CCDC60: variants seen among roughly 807,000 people sequenced by gnomAD.
CCDC60 encodes the protein coiled-coil domain containing 60, also known as coiled-coil domain-containing protein 60.
Under a neutral mutation model 63.5 loss-of-function variants are expected in CCDC60, and 54 were observed. That is an observed-to-expected ratio of 0.85 (90% CI 0.68 to 1.07). The LOEUF (loss-of-function observed/expected upper bound fraction) is 1.07, where lower values mean the gene tolerates loss of function less well. Ranked by LOEUF, CCDC60 falls within the 50% of genes least tolerant of loss-of-function variation. CCDC60 has a pLI of 0.00. For synonymous variants in CCDC60, 206 were observed against 238.8 expected (o/e 0.86, Z 1.27); for missense variants, 651 against 684.3 (o/e 0.95, Z 0.54).
chr12:119,473,940 G>A (rs1041963359), intron 3 of CCDC60, among the ~76,000 whole-genome samples: 2 of 152,208 alleles, frequency 1.3e-5, no homozygotes, highest in African/African-American at 4.8e-5. Context: ...GCATGTGCAA[G>A]TGTCTTTTTC....
intron 1 of CCDC60, among the ~76,000 whole-genome samples, chr12:119,413,990 G>A (rs997496692): frequency 3.3e-5 from 5 of 151,650 alleles, no homozygotes; most frequent in Non-Finnish European, 7.4e-5. Context: ...CTTCTCCCAG[G>A]CCCCCTCCTA....
intron 8 of CCDC60, 94 bp from the exon 9 acceptor site, chr12:119,520,027 C>T (rs1011004199): frequency 3.8e-6 from 4 of 1,050,838 alleles, no homozygotes; most frequent in Non-Finnish European, 5.8e-6. Flanking sequence ...GATTCTTGCT[C>T]TAGAAAGAGA....
intron 8 of CCDC60, 139 bp from the exon 9 acceptor site, chr12:119,519,982 T>A (rs1952477355): frequency 5.5e-6 from 4 of 726,418 alleles, no homozygotes; most frequent in Non-Finnish European, 9.3e-6. Context: ...CATAGCAAAC[T>A]CTCCAGGTGA....
chr12:119,343,521 T>A (rs547946331), intron 1 of CCDC60, among the ~76,000 whole-genome samples: 11 of 152,126 alleles, frequency 7.2e-5, no homozygotes, highest in African/African-American at 2.2e-4. Context: ...GCACCTACCA[T>A]GTGACAGATG....
At chr12:119,480,608 C>CCAT (rs538402013) in intron 4 of CCDC60, among the ~76,000 whole-genome samples, 1 of 149,104 alleles carries the variant, frequency 6.7e-6, no homozygotes, top group African/African-American at 2.5e-5. Flanking sequence ...ATCACCATCA[C>CCAT]CATCATCATC....
At position 119,456,301 on chromosome 12, in the gene CCDC60, G is replaced by T. The variant is rs138630628; in HGVS notation, c.171-15693G>T. Among the ~76,000 whole-genome samples, 65 of 152,320 alleles carry T rather than the reference G, an allele frequency of 4.3e-4. No homozygotes were observed. Among genetic ancestry groups the T allele is most frequent in the Admixed American group, 9.1e-4 (14 of 15,304 alleles). ...GCCAGGTGGCCAATAGGAAGGAAAAGACCTGGTGGGAAACTACCTAAAGTA... is the reference window on the plus strand; with the variant it reads ...GCCAGGTGGCCAATAGGAAGGAAAATACCTGGTGGGAAACTACCTAAAGTA... On this transcript the variant is annotated intron_variant, in intron 2 of 13. Coordinates refer to ENST00000327554, the MANE Select transcript of CCDC60 (RefSeq NM_178499.5). The surrounding 1 kb of genome is among the most constrained non-coding windows in gnomAD (Gnocchi z 4.6).
chr12:119,503,912 A>G (rs951441958), intron 6 of CCDC60, among the ~76,000 whole-genome samples: 45 of 152,208 alleles, frequency 3.0e-4, no homozygotes, highest in Non-Finnish European at 7.3e-5. Flanking sequence ...TCATCTAAAG[A>G]AAACACCAGT....
intron 8 of CCDC60, among the ~76,000 whole-genome samples, chr12:119,517,942 C>A (rs1450022054): frequency 6.6e-6 from 1 of 152,202 alleles, no homozygotes; most frequent in Non-Finnish European, 1.5e-5. Context: ...AAGCAAATTC[C>A]TTCCTGAAAA....
chr12:119,487,646 G>A (rs1363025782), intron 4 of CCDC60, among the ~76,000 whole-genome samples: 2 of 151,512 alleles, frequency 1.3e-5, no homozygotes, highest in African/African-American at 4.9e-5. Context: ...GTCACCAACA[G>A]GCTCTGTGAC....
chr12:119,433,782 G>C, intron 2 of CCDC60: 1 of 602,506 alleles, frequency 1.7e-6, no homozygotes, highest in Non-Finnish European at 2.9e-6. Context: ...ACCGTCCCTG[G>C]TTTCATGGCC....
At chr12:119,458,849 C>T (rs1035615916) in intron 2 of CCDC60, among the ~76,000 whole-genome samples, 3 of 152,068 alleles carry the variant, frequency 2.0e-5, no homozygotes, top group Admixed American at 6.6e-5. Flanking sequence ...TGGGTTCAAG[C>T]GATTCTCTTG....
chr12:119,418,944 C>T (rs989702698), intron 1 of CCDC60, among the ~76,000 whole-genome samples: 7 of 152,216 alleles, frequency 4.6e-5, no homozygotes, highest in African/African-American at 7.2e-5. Flanking sequence ...TGCCAGCAGG[C>T]GGCACAGGTA....
chr12:119,431,869 C>T (rs113576776), intron 2 of CCDC60, among the ~76,000 whole-genome samples: 26 of 152,200 alleles, frequency 1.7e-4, no homozygotes, highest in African/African-American at 6.3e-4. Flanking sequence ...TTAGTAGAGA[C>T]GGAGTTTCAC....
chr12:119,472,440 T>C (rs969594657), intron 3 of CCDC60, among the ~76,000 whole-genome samples: 4 of 152,082 alleles, frequency 2.6e-5, no homozygotes, highest in African/African-American at 9.7e-5. Context: ...CCTGCACCCA[T>C]TTGCACTCCA....
chr12:119,496,908 G>A (rs1029938466), intron 5 of CCDC60, among the ~76,000 whole-genome samples: 2 of 152,128 alleles, frequency 1.3e-5, no homozygotes, highest in African/African-American at 2.4e-5. Flanking sequence ...TTAAATGGGT[G>A]AGCTAAGTAA....
intron 5 of CCDC60, among the ~76,000 whole-genome samples, chr12:119,492,318 T>C (rs1951609119): frequency 6.6e-6 from 1 of 152,108 alleles, no homozygotes; most frequent in Non-Finnish European, 1.5e-5. Flanking sequence ...CGTGGCTGAT[T>C]TCAATCTTAC....
intron 1 of CCDC60, among the ~76,000 whole-genome samples, chr12:119,374,918 G>A (rs548251481): frequency 1.3e-5 from 2 of 152,284 alleles, no homozygotes; most frequent in African/African-American, 4.8e-5. Flanking sequence ...ATTATGAGCA[G>A]TGAGGACGAC....
At chr12:119,349,765 T>C (rs187899073) in intron 1 of CCDC60, among the ~76,000 whole-genome samples, 60 of 152,348 alleles carry the variant, frequency 3.9e-4, no homozygotes, top group African/African-American at 1.3e-3. Flanking sequence ...CCATCCCGTC[T>C]TTTGTAATGT....
chr12:119,394,358 T>C (rs1956212922), intron 1 of CCDC60, among the ~76,000 whole-genome samples: 2 of 152,210 alleles, frequency 1.3e-5, no homozygotes, highest in Admixed American at 1.3e-4. Context: ...TAAAAGCATT[T>C]TCCCTAGTTC....
Sources: gnomAD v4.1 joint callset for allele counts (sites outside exome capture counted in the v4.1 genomes callset) on GRCh38, gnomAD v4.1.1 for gene constraint, Gnocchi (gnomAD v3.1) non-coding constraint, MANE v1.5 for transcripts, NCBI Gene and HGNC (gene_info 2026-07-23, HGNC 2026-07-21) for gene names.